ADGRL2: variants seen among roughly 807,000 people sequenced by gnomAD.
ADGRL2 encodes calcium-independent alpha-latrotoxin receptor 2.
A neutral mutation model predicts 157.4 loss-of-function variants in ADGRL2; 44 were observed. The ratio of observed to expected loss-of-function variants is 0.28; its 90% confidence interval spans 0.22 to 0.36. The LOEUF is 0.36. Among genes scored for constraint, ADGRL2 ranks in the 10% least tolerant of loss-of-function variants. The pLI, the probability that ADGRL2 is intolerant of heterozygous loss-of-function variation, is 1.00. For missense variants in ADGRL2, 1,510 were observed against 1,768.9 expected (o/e 0.85, Z 2.63); for synonymous variants, 585 against 624.7 (o/e 0.94, Z 0.95).
intron 2 of ADGRL2, among the ~76,000 whole-genome samples, chr1:81,469,244 C>G (rs1266915432): frequency 1.3e-5 from 2 of 152,132 alleles, no homozygotes; most frequent in Non-Finnish European, 2.9e-5. Flanking sequence ...TCTGTAAATG[C>G]TTTCTGCCTC....
At chr1:81,416,967 T>A (rs765932210) in intron 1 of ADGRL2, among the ~76,000 whole-genome samples, 19 of 152,172 alleles carry the variant, frequency 1.2e-4, no homozygotes, top group Non-Finnish European at 2.1e-4. Context: ...TTCTAACAAG[T>A]TTCCCAGGTA....
chr1:81,423,741 G>T (rs1173465636), intron 1 of ADGRL2, among the ~76,000 whole-genome samples: 1 of 152,174 alleles, frequency 6.6e-6, no homozygotes, highest in Non-Finnish European at 1.5e-5. Context: ...TAACTGAGAT[G>T]TAAAAAGGAA....
chr1:81,586,201 G>A (rs1320632764), intron 3 of ADGRL2: 1 of 151,912 alleles, frequency 6.6e-6, no homozygotes, highest in African/African-American at 2.4e-5. Flanking sequence ...TTTGCTTAAG[G>A]TAGTTGACAT....
chr1:81,323,049 G>A (rs1039026309), intron 1 of ADGRL2, among the ~76,000 whole-genome samples: 2 of 151,944 alleles, frequency 1.3e-5, no homozygotes, highest in African/African-American at 4.8e-5. Context: ...GTAGAGACGG[G>A]GTTTCGCTAT....
intron 3 of ADGRL2, among the ~76,000 whole-genome samples, chr1:81,687,384 A>G (rs931077319): frequency 9.9e-5 from 15 of 152,176 alleles, no homozygotes; most frequent in African/African-American, 2.7e-4. Flanking sequence ...GCCTTTTAGC[A>G]TTATATAATG....
intron 1 of ADGRL2, among the ~76,000 whole-genome samples, chr1:81,827,083 G>A (rs187646125): frequency 5.3e-5 from 8 of 152,208 alleles, no homozygotes; most frequent in South Asian, 2.1e-4. Context: ...AGGGGAGTCC[G>A]CATATAGGGA....
chr1:81,680,285 TA>T (rs2083083339), intron 3 of ADGRL2, among the ~76,000 whole-genome samples: 1 of 152,208 alleles, frequency 6.6e-6, no homozygotes, highest in African/African-American at 2.4e-5. Flanking sequence ...GTTCACTATC[TA>T]GGAATGAAAA....
chr1:81,815,911 C>T (rs747509079), intron 1 of ADGRL2, among the ~76,000 whole-genome samples: 16 of 151,642 alleles, frequency 1.1e-4, no homozygotes, highest in Non-Finnish European at 1.0e-4. Context: ...GCATAAGTAT[C>T]TTAGAATTCA....
rs551132101 is a variant in ADGRL2, at chr1:81,730,462, C to G, written c.-143+30654C>G. Reference sequence around the variant, plus strand: ...CTTAGTGCAGGGCCGGGCACAGTGGCTTATGCCTGTAATCTCTAGGGAGGC... The same window carrying G: ...CTTAGTGCAGGGCCGGGCACAGTGGGTTATGCCTGTAATCTCTAGGGAGGC... On this transcript the variant is annotated intron_variant, in intron 1 of 20. Coordinates refer to the ADGRL2 transcript ENST00000359929. Among the ~76,000 whole-genome samples, 10 of 152,248 alleles carry G rather than the reference C, an allele frequency of 6.6e-5. No homozygotes were observed. The South Asian group carries it at 2.1e-3, about 32-fold the overall frequency.
At chr1:81,946,065 A>G (rs1465829490) in intron 6 of ADGRL2, among the ~76,000 whole-genome samples, 1 of 152,172 alleles carries the variant, frequency 6.6e-6, no homozygotes, top group Non-Finnish European at 1.5e-5. Context: ...AGAACAGAGC[A>G]ATCAGAGAAA....
chr1:81,333,201 T>C (rs1178752178), intron 1 of ADGRL2, among the ~76,000 whole-genome samples: 3 of 152,094 alleles, frequency 2.0e-5, no homozygotes, highest in Admixed American at 1.3e-4. Flanking sequence ...CAAAGAGAAA[T>C]ACCCGGATCT....
intron 1 of ADGRL2, among the ~76,000 whole-genome samples, chr1:81,351,289 G>T (rs1185632646): frequency 6.6e-6 from 1 of 150,982 alleles, no homozygotes; most frequent in African/African-American, 2.4e-5. Context: ...TTTTAAAACT[G>T]CTGGTAACTT....
intron 2 of ADGRL2, among the ~76,000 whole-genome samples, chr1:81,791,092 A>AAG (rs397693007): frequency 6.7e-6 from 1 of 150,018 alleles, no homozygotes; most frequent in Non-Finnish European, 1.5e-5. Context: ...AAAAAAAAAA[A>AAG]GAATGTGAGC....
chr1:81,990,639 G>A lies in ADGRL2; in HGVS notation c.3904G>A (p.Gly1302Arg), dbSNP rs781779072. The change falls in exon 24 of 24, where the codon GGA becomes AGA. Residue 1302 changes from glycine to arginine, a missense_variant. Physicochemically the swap from Gly to Arg is moderately radical, Grantham distance 125. This residue lies in a region of ADGRL2 where 327 missense variants were observed against 310.1 expected (regional missense o/e 1.05). Transcript: ENST00000686636. ...CACGCTACCAGTCAAACCTGTGATT[G>A]GAGGTAGCAGCAGTGAAGATGATGC... ...ELTLPVKPVI[G>R]GSSSEDDAIV... is the part of the protein sequence containing the mutation. 6.2e-6 allele frequency: 10 copies of A among 1,614,052 alleles called. No homozygotes were observed. Among genetic ancestry groups the A allele is most frequent in the Non-Finnish European group, 8.5e-6 (10 of 1,180,028 alleles).
chr1:81,621,200 A>G (rs756016747), intron 3 of ADGRL2, among the ~76,000 whole-genome samples: 6 of 152,156 alleles, frequency 3.9e-5, no homozygotes, highest in Non-Finnish European at 8.8e-5. Context: ...AGTTTTGGGG[A>G]TAAAGTCTGT....
intron 3 of ADGRL2, among the ~76,000 whole-genome samples, chr1:81,693,310 C>A (rs2083380393): frequency 6.6e-6 from 1 of 152,226 alleles, no homozygotes; most frequent in Admixed American, 6.5e-5. Flanking sequence ...AGTTCCCCTG[C>A]TCTCTGCAGC....
upstream of ADGRL2, among the ~76,000 whole-genome samples, chr1:81,796,573 T>C (rs1363026387): frequency 6.6e-6 from 1 of 152,206 alleles, no homozygotes; most frequent in African/African-American, 2.4e-5. Context: ...AATATCGTTT[T>C]AAATTTGCTT....
At chr1:81,328,392 A>G (rs1254536364) in intron 1 of ADGRL2, among the ~76,000 whole-genome samples, 1 of 152,094 alleles carries the variant, frequency 6.6e-6, no homozygotes, top group Non-Finnish European at 1.5e-5. Context: ...TGTGCTACCC[A>G]CTAAAAATAA....
intron 1 of ADGRL2, among the ~76,000 whole-genome samples, chr1:81,444,644 A>G (rs2077569062): frequency 6.6e-6 from 1 of 152,198 alleles, no homozygotes; most frequent in Non-Finnish European, 1.5e-5. Context: ...GCACGTTTAC[A>G]TTTAAAGTAA....
Sources: gnomAD v4.1 joint callset for allele counts (sites outside exome capture counted in the v4.1 genomes callset) on GRCh38, gnomAD v4.1.1 for gene constraint, gnomAD v4.1.1 regional missense constraint, MANE v1.5 for transcripts, NCBI Gene and HGNC (gene_info 2026-07-23, HGNC 2026-07-21) for gene names.